Variants in PTK2 observed in about 807,000 individuals in gnomAD.
PTK2 encodes focal adhesion kinase 1.
Under a neutral mutation model 150.1 loss-of-function variants are expected in PTK2, and 45 were observed. The observed-to-expected ratio is 0.30, with a 90% CI of 0.24 to 0.38. PTK2 has a LOEUF of 0.38. Ranked by LOEUF, PTK2 falls within the 10% of genes least tolerant of loss-of-function variation. PTK2 has a pLI of 1.00. For missense variants in PTK2, 919 were observed against 1,307.3 expected, an observed-to-expected ratio of 0.70 and a Z score of 4.58; for synonymous variants, 432 against 449.2, an observed-to-expected ratio of 0.96 and a Z score of 0.48.
At chr8:140,923,294 A>T (rs375300097) in intron 2 of PTK2, among the ~76,000 whole-genome samples, 4 of 152,212 alleles carry the variant, frequency 2.6e-5, no homozygotes, top group African/African-American at 9.6e-5. Context: ...GCTGAAGAGG[A>T]TACAGGTGAT....
intron 10 of PTK2, among the ~76,000 whole-genome samples, chr8:140,815,611 AAATT>A (rs1292255677): frequency 1.3e-5 from 2 of 152,198 alleles, no homozygotes; most frequent in African/African-American, 2.4e-5. Flanking sequence ...TCACCTAATG[AAATT>A]AATATAACTT....
chr8:140,788,827 G>A (rs1187018546), intron 14 of PTK2, among the ~76,000 whole-genome samples: 3 of 152,138 alleles, frequency 2.0e-5, no homozygotes, highest in East Asian at 1.9e-4. Flanking sequence ...ATATGGTTAC[G>A]TATGTATATA....
intron 9 of PTK2, 113 bp from the exon 10 acceptor site, chr8:140,818,467 T>C: frequency 1.2e-6 from 1 of 867,386 alleles, no homozygotes; most frequent in Admixed American, 2.1e-5. Flanking sequence ...TTTGGTTTGC[T>C]ATTAATCTAT....
intron 2 of PTK2, among the ~76,000 whole-genome samples, chr8:140,923,195 C>G (rs1439017456): frequency 6.6e-6 from 1 of 152,108 alleles, no homozygotes; most frequent in Non-Finnish European, 1.5e-5. Flanking sequence ...CATAAATTCT[C>G]CAGGCCAGAG....
intron 23 of PTK2, among the ~76,000 whole-genome samples, chr8:140,710,027 A>G (rs2100035900): frequency 6.6e-6 from 1 of 152,216 alleles, no homozygotes; most frequent in South Asian, 2.1e-4. Context: ...TATAATAACT[A>G]TGTAAGCCGG....
At chr8:140,935,095 T>C (rs1350732037) in intron 1 of PTK2, among the ~76,000 whole-genome samples, 1 of 152,196 alleles carries the variant, frequency 6.6e-6, no homozygotes, top group Admixed American at 6.5e-5. Context: ...ATTAGAACTA[T>C]GAGAGCATTA....
At chr8:140,687,795 G>A (rs56077134) in intron 26 of PTK2, among the ~76,000 whole-genome samples, 18,934 of 152,172 alleles carry the variant, frequency 0.12, 3,598 homozygotes, top group African/African-American at 0.41. Flanking sequence ...TGAAGGACAC[G>A]GCCACCATTA....
At chr8:140,670,050 G>A in intron 29 of PTK2, 1 of 305,378 alleles carries the variant, frequency 3.3e-6, no homozygotes, top group Middle Eastern at 8.8e-4. Context: ...TCAACAGAAT[G>A]AGAGCTCTTC....
At chr8:140,855,057 T>C (rs547958694) in intron 5 of PTK2, among the ~76,000 whole-genome samples, 8 of 152,142 alleles carry the variant, frequency 5.3e-5, no homozygotes, top group Non-Finnish European at 1.2e-4. Flanking sequence ...GGCACAACCA[T>C]TTCTCACTGC....
At chr8:140,761,402 G>C (rs1012262763) in intron 15 of PTK2, 140 bp from the exon 19 acceptor site, 7 of 747,868 alleles carry the variant, frequency 9.4e-6, no homozygotes, top group Non-Finnish European at 1.4e-5. Flanking sequence ...AAACACAGTG[G>C]AATTCTCTTA....
intron 5 of PTK2, among the ~76,000 whole-genome samples, chr8:140,850,122 G>A (rs1031929707): frequency 3.3e-5 from 5 of 152,022 alleles, no homozygotes; most frequent in African/African-American, 4.8e-5. Flanking sequence ...TCTGAAAGTT[G>A]GTTTTTAAAA....
intron 5 of PTK2, among the ~76,000 whole-genome samples, chr8:140,855,995 A>C (rs2100132341): frequency 6.6e-6 from 1 of 152,236 alleles, no homozygotes; most frequent in Non-Finnish European, 1.5e-5. Context: ...ACGATTTTAC[A>C]ATACATATTG....
At chr8:140,675,400 C>A (rs2153406610) in intron 28 of PTK2, 60 bp downstream of exon 31, 1 of 1,565,504 alleles carries the variant, frequency 6.4e-7, no homozygotes, top group Non-Finnish European at 8.8e-7. Flanking sequence ...TATATACATT[C>A]AAAACCTGCT....
chr8:140,684,389 G>T (rs1348345867), intron 27 of PTK2, among the ~76,000 whole-genome samples: 2 of 152,244 alleles, frequency 1.3e-5, no homozygotes, highest in Non-Finnish European at 2.9e-5. Context: ...AAGAGCTCAG[G>T]CATTAATGCG....
chr8:140,735,943 T>C (rs1377689591), intron 21 of PTK2, among the ~76,000 whole-genome samples: 1 of 152,210 alleles, frequency 6.6e-6, no homozygotes, highest in African/African-American at 2.4e-5. Flanking sequence ...CTAGAGTGCA[T>C]AAAGGCACCA....
intron 1 of PTK2, among the ~76,000 whole-genome samples, chr8:140,999,576 ATAT>A: frequency 6.6e-6 from 1 of 152,340 alleles, no homozygotes; most frequent in Non-Finnish European, 1.5e-5. Flanking sequence ...CTGGATGAAA[ATAT>A]TATCTATACT....
At chr8:140,667,458 C>T (rs2092931718) in intron 30 of PTK2, among the ~76,000 whole-genome samples, 1 of 73,432 alleles carries the variant, frequency 1.4e-5, no homozygotes, top group Non-Finnish European at 4.2e-5. Context: ...CTTTCTCTCT[C>T]TCTCTCTCTT....
rs570394246 is a variant in PTK2, at chr8:140,733,834, T to C, written c.2030+1417A>G. Among the ~76,000 whole-genome samples, 135 of 152,282 alleles carry C rather than the reference T, an allele frequency of 8.9e-4. 1 individual carries two copies. The highest frequency in any genetic ancestry group is 3.4e-3 in the Middle Eastern group (1 of 294). ...GAACCAGGCCGGTGTGTGAGAGTTATGGGGACGGAGACCAAGAGCGTGGCT... is the reference window on the plus strand; with the variant it reads ...GAACCAGGCCGGTGTGTGAGAGTTACGGGGACGGAGACCAAGAGCGTGGCT... On this transcript the variant is annotated intron_variant, in intron 22 of 31. Transcript: ENST00000522684.
chr8:140,759,039 T>C (rs1169000288), intron 16 of PTK2, among the ~76,000 whole-genome samples: 1 of 152,226 alleles, frequency 6.6e-6, no homozygotes, highest in Non-Finnish European at 1.5e-5. Context: ...AGCCTAGATG[T>C]GTAGTAGGCT....
Sources: allele counts gnomAD v4.1 joint callset (sites outside exome capture counted in the v4.1 genomes callset), GRCh38; gene constraint gnomAD v4.1.1; transcripts MANE v1.5; gene names NCBI Gene and HGNC (gene_info 2026-07-23, HGNC 2026-07-21).